Variants in SYNE2 observed in about 807,000 individuals in gnomAD.
SYNE2 encodes spectrin repeat containing nuclear envelope protein 2.
Under a neutral mutation model 856.3 loss-of-function variants are expected in SYNE2, and 431 were observed. The observed-to-expected ratio is 0.50, with a 90% confidence interval of 0.47 to 0.55. SYNE2 has a LOEUF of 0.55. Among genes scored for constraint, SYNE2 ranks in the 20% least tolerant of loss-of-function variants. The pLI is 0.00. For missense variants in SYNE2, 8,129 were observed against 8,023.2 expected (o/e 1.01, Z -0.50); for synonymous variants, 2,923 against 2,872.3 (o/e 1.02, Z -0.56).
intron 35 of SYNE2, among the ~76,000 whole-genome samples, chr14:64,020,396 T>C (rs2096927752): frequency 6.6e-6 from 1 of 152,228 alleles, no homozygotes; most frequent in Non-Finnish European, 1.5e-5. Flanking sequence ...CCCTATGGCC[T>C]CTAAAATAAT....
intron 63 of SYNE2, among the ~76,000 whole-genome samples, chr14:64,100,676 T>G (rs1258521626): frequency 2.0e-5 from 3 of 150,092 alleles, no homozygotes; most frequent in Admixed American, 6.7e-5. Context: ...CATTTTTTTT[T>G]GTAATGAGAA....
intron 98 of SYNE2, among the ~76,000 whole-genome samples, chr14:64,189,695 T>TAGC (rs1380770109): frequency 1.3e-5 from 2 of 152,226 alleles, no homozygotes; most frequent in African/African-American, 4.8e-5. Flanking sequence ...AGGTATGAGG[T>TAGC]TTTGAGACAG....
intron 45 of SYNE2, among the ~76,000 whole-genome samples, chr14:64,043,997 A>G (rs975648392): frequency 6.6e-6 from 1 of 152,204 alleles, no homozygotes; most frequent in Non-Finnish European, 1.5e-5. Context: ...AGCTGGGACT[A>G]CAGACACATG....
intron 57 of SYNE2, among the ~76,000 whole-genome samples, chr14:64,087,179 A>G (rs1180284792): frequency 6.6e-6 from 1 of 150,392 alleles, no homozygotes; most frequent in African/African-American, 2.4e-5. Flanking sequence ...AGATTAATAT[A>G]AAATTCTGAA....
At position 64,141,654 on chromosome 14, in the gene SYNE2, TC is replaced by T. The variant is rs909327983; in HGVS notation, c.15159+132del. 8.8e-6 allele frequency: 9 copies of T among 1,017,424 alleles called. No homozygotes were observed. The African/African-American group carries it at 1.5e-4, about 16-fold the overall frequency. 63.0% of individuals were successfully genotyped at this position (1,017,424 alleles called of 1,614,324 possible). On this transcript the variant is annotated intron_variant, in intron 81 of 115. Transcript: ENST00000555002. ...TTTCTCTGGCACCACTGAATATAAG[TC>T]TTAATTACTGGACCCTCCTCCAATG...
chr14:63,887,875 C>T (rs557403636), intron 1 of SYNE2, among the ~76,000 whole-genome samples: 3 of 151,232 alleles, frequency 2.0e-5, no homozygotes, highest in Non-Finnish European at 4.4e-5. Context: ...GCCTCAGCCT[C>T]CTGAGTAGCT....
intron 62 of SYNE2, chr14:64,098,391 C>A (rs2097694498): frequency 1.7e-6 from 1 of 605,850 alleles, no homozygotes. Context: ...TAAAATTTCA[C>A]AGGCAGGTGG....
Position 63,918,882 on chromosome 14 carries a change from G to A in SYNE2, c.79+9655G>A, listed in dbSNP as rs76747968. On this transcript the variant is annotated intron_variant, in intron 2 of 115. Coordinates refer to ENST00000555002, the MANE Select transcript of SYNE2 (RefSeq NM_182914.3). ...ACACTTAATATCTTTCCAAAACATT[G>A]GAATCGTTTGCCTTTTCTTCAGTTA... is the stretch of plus-strand genomic sequence containing the variant. Among the ~76,000 whole-genome samples the A allele has an allele frequency of 1.0e-3, 158 of 152,256 alleles. 2 individuals are homozygous for A. In the East Asian group the frequency reaches 0.015, roughly 14 times the overall value.
chr14:63,944,517 C>CTTTTTTTTTT (rs1188374243), intron 6 of SYNE2, among the ~76,000 whole-genome samples: 1 of 90,146 alleles, frequency 1.1e-5, no homozygotes, highest in Non-Finnish European at 2.2e-5. Flanking sequence ...TAAAGCCTTT[C>CTTTTTTTTTT]TTTTTTTTTT....
rs1402054606 is a variant in SYNE2 at position 64,003,257 on chromosome 14, A to T, written c.4324A>T (p.Asn1442Tyr). The T allele has an allele frequency of 6.2e-7, 1 of 1,613,980 alleles. No homozygotes were observed. The highest frequency in any genetic ancestry group is 8.5e-7 in the Non-Finnish European group (1 of 1,180,004). Reference protein sequence around the residue: ...CIFKNNELLKNIQDVQSQISK... With the variant: ...CIFKNNELLKYIQDVQSQISK... ...TTTCAAAAATAATGAACTCCTTAAA[A>T]ATATTCAAGATGTGCAGAGTCAAAT... The change falls in exon 30 of 116, where the codon AAT (asparagine) becomes TAT (tyrosine). Residue 1442 changes from asparagine to tyrosine, a missense_variant. By Grantham distance (143) the Asn-to-Tyr change is moderately radical. Transcript: ENST00000555002.
chr14:63,779,658 T>C (rs1887239371), intron 1 of SYNE2, among the ~76,000 whole-genome samples: 1 of 152,190 alleles, frequency 6.6e-6, no homozygotes, highest in African/African-American at 2.4e-5. Flanking sequence ...ACACTTGTAA[T>C]ACCAGCACTT....
chr14:63,913,964 G>T (rs1418774882), intron 2 of SYNE2, among the ~76,000 whole-genome samples: 5 of 151,798 alleles, frequency 3.3e-5, no homozygotes, highest in Non-Finnish European at 7.4e-5. Flanking sequence ...TTGCCTCCCA[G>T]AGTGCTGGGA....
intron 45 of SYNE2, among the ~76,000 whole-genome samples, chr14:64,035,049 T>C (rs1334615239): frequency 6.6e-6 from 1 of 151,634 alleles, no homozygotes; most frequent in African/African-American, 2.4e-5. Flanking sequence ...TTTTAAAAAC[T>C]GAAAACCTTT....
In SYNE2 at chr14:63,967,835, C is replaced by G. The variant is rs2096415518; in HGVS notation, c.1117C>G (p.Leu373Val). The change falls in exon 11 of 116, where the codon CTC becomes GTC. Residue 373 changes from leucine to valine, a missense_variant. Coordinates refer to ENST00000555002, the MANE Select transcript of SYNE2 (RefSeq NM_182914.3). ...ACAGTTGAGAGAAGCCTGGGATGGC[C>G]TCGATCACCAGGTGACTGTTTGTGT... is the stretch of plus-strand genomic sequence containing the variant. ...HLQLREAWDG[L>V]DHQINAWKIK... 3.1e-6 allele frequency: 5 copies of G among 1,613,882 alleles called. No homozygotes were observed. The highest frequency in any genetic ancestry group is 4.2e-6 in the Non-Finnish European group (5 of 1,179,946).
intron 1 of SYNE2, among the ~76,000 whole-genome samples, chr14:63,858,980 A>G (rs1892730765): frequency 1.3e-5 from 2 of 152,154 alleles, no homozygotes; most frequent in Admixed American, 1.3e-4. Context: ...ATTTAGGTTC[A>G]TGTACTTTAA....
At chr14:64,062,573 G>T (rs560751262) in intron 49 of SYNE2, among the ~76,000 whole-genome samples, 178 bp from the exon 50 acceptor site, 1 of 152,100 alleles carries the variant, frequency 6.6e-6, no homozygotes, top group South Asian at 2.1e-4. Flanking sequence ...CCCATATGCA[G>T]GTCCCTTTGG....
chr14:64,094,013 GA>G (rs1428745448), intron 61 of SYNE2, among the ~76,000 whole-genome samples: 28 of 152,152 alleles, frequency 1.8e-4, no homozygotes, highest in African/African-American at 6.8e-4. Flanking sequence ...TTGCCATACT[GA>G]CATATTGCCA....
chr14:63,950,990 A>G (rs997994893), intron 7 of SYNE2, among the ~76,000 whole-genome samples: 1 of 151,926 alleles, frequency 6.6e-6, no homozygotes, highest in Non-Finnish European at 1.5e-5. Flanking sequence ...GGGATAATGA[A>G]GGAAAGTTAG....
chr14:64,029,134 CA>C (rs886448689), intron 43 of SYNE2, among the ~76,000 whole-genome samples: 13 of 151,380 alleles, frequency 8.6e-5, no homozygotes, highest in African/African-American at 3.2e-4. Flanking sequence ...GACTCCATCT[CA>C]AAAAAAATAA....
Sources: gnomAD v4.1 joint callset for allele counts (sites outside exome capture counted in the v4.1 genomes callset) on GRCh38, gnomAD v4.1.1 for gene constraint, MANE v1.5 for transcripts, NCBI Gene and HGNC (gene_info 2026-07-23, HGNC 2026-07-21) for gene names.